PPM1L: variants seen among roughly 807,000 people sequenced by gnomAD.
PPM1L encodes the protein protein phosphatase, Mg2+/Mn2+ dependent 1L.
Under a neutral mutation model 31.4 loss-of-function variants are expected in PPM1L, and 13 were observed. The observed-to-expected ratio is 0.41, with a 90% CI of 0.27 to 0.66. The LOEUF (loss-of-function observed/expected upper bound fraction) is 0.66. Ranked by LOEUF, PPM1L falls within the 30% of genes least tolerant of loss-of-function variation. The probability of loss-of-function intolerance (pLI) is 0.29; values close to 1 mark genes in which losing one functional copy is unlikely to be tolerated. For missense variants in PPM1L, 326 were observed against 453.7 expected (o/e 0.72, Z 2.56); for synonymous variants, 184 against 175.4 (o/e 1.05, Z -0.39).
chr3:160,844,118 C>A (rs899236059), intron 1 of PPM1L, among the ~76,000 whole-genome samples: 2 of 152,214 alleles, frequency 1.3e-5, no homozygotes, highest in Non-Finnish European at 2.9e-5. Context: ...CTCTGCCACT[C>A]ACCACTTAGG....
intron 2 of PPM1L, among the ~76,000 whole-genome samples, chr3:161,006,767 C>T: frequency 6.6e-6 from 1 of 150,430 alleles, no homozygotes; most frequent in East Asian, 2.0e-4. Context: ...ACTGCAAGCA[C>T]CACCTCCTGC....
At chr3:161,005,275 T>G (rs1717666454) in intron 2 of PPM1L, among the ~76,000 whole-genome samples, 1 of 152,216 alleles carries the variant, frequency 6.6e-6, no homozygotes, top group African/African-American at 2.4e-5. Flanking sequence ...TCTTTCTAAT[T>G]TATTTATTCA....
chr3:161,005,280 T>C (rs1717666615), intron 2 of PPM1L, among the ~76,000 whole-genome samples: 1 of 152,200 alleles, frequency 6.6e-6, no homozygotes, highest in Middle Eastern at 3.2e-3. Flanking sequence ...CTAATTTATT[T>C]ATTCACCCAG....
intron 1 of PPM1L, among the ~76,000 whole-genome samples, chr3:160,764,553 G>A (rs1715057458): frequency 1.3e-5 from 2 of 149,280 alleles, no homozygotes; most frequent in South Asian, 2.1e-4. Context: ...TGCAAACTCT[G>A]TCTCCTGGGT....
chr3:160,808,416 T>TGTGTGTGTGGGGGCGTGC (rs1553808362), intron 1 of PPM1L, among the ~76,000 whole-genome samples: 1 of 129,276 alleles, frequency 7.7e-6, no homozygotes, highest in African/African-American at 3.2e-5. Context: ...TGTGTGTGTG[T>TGTGTGTGTGGGGGCGTGC]GTGTGTGGTG....
rs1368221961 is a variant in PPM1L, at chr3:160,980,383, T to G, written c.574+18473T>G. 3.9e-5 allele frequency among the ~76,000 whole-genome samples: 6 copies of G among 151,964 alleles called. No homozygotes were observed. The East Asian group carries it at 1.2e-3, about 29-fold the overall frequency. On this transcript the variant is annotated intron_variant, in intron 2 of 3. Transcript: ENST00000498165. ...TACTTAATGGGGCTTTTTATGAAGA[T>G]TAAAGATAATGGGCCAGGCACAGTG...
intron 1 of PPM1L, among the ~76,000 whole-genome samples, chr3:160,904,770 TAGAG>T (rs374280264): frequency 4.3e-4 from 64 of 148,542 alleles, no homozygotes; most frequent in Admixed American, 1.8e-3. Context: ...GAAGGAGAGA[TAGAG>T]AGAGAGAGAG....
intron 2 of PPM1L, among the ~76,000 whole-genome samples, chr3:160,980,596 A>C (rs1370548818): frequency 1.3e-5 from 2 of 151,798 alleles, no homozygotes; most frequent in Non-Finnish European, 2.9e-5. Flanking sequence ...TGAGCCCTGG[A>C]GGTTGAGGCT....
At chr3:160,776,091 G>A (rs1711552317) in intron 1 of PPM1L, among the ~76,000 whole-genome samples, 1 of 152,128 alleles carries the variant, frequency 6.6e-6, no homozygotes, top group Non-Finnish European at 1.5e-5. Context: ...TTATATATGT[G>A]TATATATTTG....
chr3:160,892,412 G>A (rs933583654), intron 1 of PPM1L, among the ~76,000 whole-genome samples: 2 of 152,012 alleles, frequency 1.3e-5, no homozygotes, highest in African/African-American at 4.8e-5. Context: ...AAGACATGAG[G>A]AATCCACCCC....
At chr3:160,804,359 C>A (rs1200206298) in intron 1 of PPM1L, among the ~76,000 whole-genome samples, 1 of 152,156 alleles carries the variant, frequency 6.6e-6, no homozygotes, top group Non-Finnish European at 1.5e-5. Flanking sequence ...AGTTCAGTAA[C>A]CCATCTTTGA....
intron 1 of PPM1L, among the ~76,000 whole-genome samples, chr3:160,791,938 G>T (rs555418555): frequency 1.6e-4 from 25 of 152,238 alleles, no homozygotes; most frequent in African/African-American, 5.8e-4. Flanking sequence ...CCAACAACCA[G>T]ATCTTGAGGG....
At chr3:160,886,647 G>C (rs1481483430) in intron 1 of PPM1L, among the ~76,000 whole-genome samples, 1 of 152,058 alleles carries the variant, frequency 6.6e-6, no homozygotes, top group African/African-American at 2.4e-5. Context: ...AAAGACAACA[G>C]AAAGCCACAA....
chr3:161,052,668 C>T (rs1156552480), intron 2 of PPM1L, among the ~76,000 whole-genome samples: 2 of 152,146 alleles, frequency 1.3e-5, no homozygotes, highest in Non-Finnish European at 2.9e-5. Flanking sequence ...TAAATATCAT[C>T]CTACCAACAC....
chr3:161,020,534 A>G (rs1352560741), intron 2 of PPM1L, among the ~76,000 whole-genome samples: 2 of 152,216 alleles, frequency 1.3e-5, no homozygotes, highest in Non-Finnish European at 2.9e-5. Context: ...TGAAATCACC[A>G]TAAGATACTG....
intron 1 of PPM1L, among the ~76,000 whole-genome samples, chr3:160,864,123 C>G (rs1375253237): frequency 6.6e-6 from 1 of 152,124 alleles, no homozygotes; most frequent in East Asian, 1.9e-4. Flanking sequence ...TTTGAAAAAT[C>G]TTGTCCCAAA....
intron 1 of PPM1L, among the ~76,000 whole-genome samples, chr3:160,931,653 G>A (rs1450402513): frequency 6.6e-6 from 1 of 152,200 alleles, no homozygotes; most frequent in African/African-American, 2.4e-5. Flanking sequence ...TACATAAAGG[G>A]TGGGTCTCAC....
Position 160,763,666 on chromosome 3 carries a change from C to G in PPM1L, c.399+6959C>G, listed in dbSNP as rs192952449. Among the ~76,000 whole-genome samples the G allele has an allele frequency of 2.6e-5, 4 of 152,268 alleles. No individual in the cohort carries two copies. In the East Asian group the frequency reaches 5.8e-4, roughly 22 times the overall value. On this transcript the variant is annotated intron_variant, in intron 1 of 3. Transcript: ENST00000498165. ...GCCATGTTCTGTATATATTGGAGAA[C>G]TACTGTATAGGAATGGCATAAATTC...
intron 2 of PPM1L, among the ~76,000 whole-genome samples, chr3:161,003,752 G>C (rs1278387368): frequency 1.3e-5 from 2 of 152,060 alleles, no homozygotes; most frequent in Admixed American, 1.3e-4. Context: ...GAGACAATGG[G>C]GTTTTCTAGA....
Sources: gnomAD v4.1 joint callset for allele counts (sites outside exome capture counted in the v4.1 genomes callset) on GRCh38, gnomAD v4.1.1 for gene constraint, MANE v1.5 for transcripts, NCBI Gene and HGNC (gene_info 2026-07-23, HGNC 2026-07-21) for gene names.